UHRF1: variants seen among roughly 807,000 people sequenced by gnomAD.
The protein encoded by UHRF1 is ubiquitin like with PHD and ring finger domains 1, also known as E3 ubiquitin-protein ligase UHRF1.
In UHRF1, 9 loss-of-function variants were observed where a neutral mutation model predicts 96.5. That is an observed-to-expected ratio of 0.09 (90% CI 0.06 to 0.16). The LOEUF is 0.16. UHRF1 is among the 10% of genes least tolerant of loss of function. The pLI is 1.00. For missense variants in UHRF1, 626 were observed against 1,131.1 expected (o/e 0.55, Z 6.40); for synonymous variants, 455 against 469.9 (o/e 0.97, Z 0.41).
At chr19:4,948,583 C>G (rs17883407) in intron 11 of UHRF1, among the ~76,000 whole-genome samples, 6,554 of 150,554 alleles carry the variant, frequency 0.044, 158 homozygotes, top group Middle Eastern at 0.12. Flanking sequence ...TGGTGGATCA[C>G]CTGAGGTCAG....
intron 1 of UHRF1, chr19:4,909,876 G>C (rs1420741931): frequency 2.6e-6 from 1 of 378,774 alleles, no homozygotes; most frequent in Non-Finnish European, 4.7e-6. Context: ...CCGGCGGGGG[G>C]TCGAGCGCGC....
rs762045338 is a variant in UHRF1 at position 4,954,378 on chromosome 19, C to A, written c.1847C>A (p.Ala616Asp). 1 of 1,613,000 alleles carries A rather than the reference C, an allele frequency of 6.2e-7. No homozygotes were observed. Among genetic ancestry groups the A allele is most frequent in the Non-Finnish European group, 8.5e-7 (1 of 1,179,660 alleles). ...CCAGAAGGCTACCTGGAAGCCCTGG[C>A]CAACCGAGAGCGAGAGAAGGAGAAC... is the stretch of plus-strand genomic sequence containing the variant. ...QYPEGYLEALANREREKENSK... is the reference protein window; with the variant it reads ...QYPEGYLEALDNREREKENSK... Residue 616 changes from alanine (A) to aspartate (D), a missense_variant, in exon 14 of 17, where the codon GCC (alanine) becomes GAC (aspartate). Around this residue, in one of 11 missense-constraint regions of UHRF1, gnomAD observed 90 missense variants for 94.7 expected, o/e 0.95. Transcript: ENST00000650932. This position sits in a 1 kb window ranked among gnomAD's most constrained non-coding sequence, Gnocchi z 5.9.
At chr19:4,903,415 CA>C (rs1255580042) in exon 1 of UHRF1, 4 of 153,522 alleles carry the variant, frequency 2.6e-5, no homozygotes, top group African/African-American at 9.7e-5. Context: ...CGGGTTCAAG[CA>C]ATTCTCCTGC....
chr19:4,931,839 C>T (rs2033062339), intron 4 of UHRF1, among the ~76,000 whole-genome samples: 1 of 152,066 alleles, frequency 6.6e-6, no homozygotes, highest in Non-Finnish European at 1.5e-5. Context: ...TGGCTCATTG[C>T]ACCCTCCATC....
At position 4,961,432 on chromosome 19, in the gene UHRF1, T is replaced by C. The variant is rs1201337778; in HGVS notation, c.*629T>C. ...CGTCTGAGATCCGCGTGAAAAGTCC[T>C]CTGCCCACGAGAGCAGGGAGTTGGG... is the stretch of plus-strand genomic sequence containing the variant. On this transcript the variant is annotated 3_prime_UTR_variant, in exon 17 of 17. Transcript: ENST00000650932. 6.6e-6 allele frequency: 1 copy of C among 152,022 alleles called. No individual in the cohort carries two copies. The highest frequency in any genetic ancestry group is 2.4e-5 in the African/African-American group (1 of 41,238). 9.4% of individuals were successfully genotyped at this position (152,022 alleles called of 1,614,324 possible). A position where few individuals can be genotyped will look rare whatever the true frequency, so the allele number is the denominator to read the frequency against.
Position 4,919,597 on chromosome 19 carries a change from T to G in UHRF1, c.153+8559T>G, listed in dbSNP as rs1348640727. ...GATTACAGGTGTGAGCCACCGCGCC[T>G]AGCCCATTTTATCTTTTCTGATAAT... On this transcript the variant is annotated intron_variant, in intron 2 of 16. Transcript: ENST00000650932. Among the ~76,000 whole-genome samples the G allele has an allele frequency of 5.9e-5, 9 of 151,934 alleles. No individual in the cohort carries two copies. In the East Asian group the frequency reaches 1.8e-3, roughly 30 times the overall value.
chr19:4,946,698 C>T (rs1018681643), intron 10 of UHRF1, among the ~76,000 whole-genome samples: 1 of 152,024 alleles, frequency 6.6e-6, no homozygotes, highest in Non-Finnish European at 1.5e-5. Flanking sequence ...TGTCAGCCTC[C>T]CAAGAAGCTG....
rs771845391 is a variant in UHRF1, at chr19:4,951,696, CA to C, written c.1818+718del. Among the ~76,000 whole-genome samples, 192 of 83,340 alleles carry C rather than the reference CA, an allele frequency of 2.3e-3. 1 individual carries two copies. Among genetic ancestry groups the C allele is most frequent in the Middle Eastern group, 6.0e-3 (1 of 168 alleles). The allele number at this position is 83,340 out of a possible 152,430, so 54.7% of individuals were successfully genotyped here. A position where few individuals can be genotyped will look rare whatever the true frequency, so the allele number is the denominator to read the frequency against. On this transcript the variant is annotated intron_variant, in intron 13 of 16. Coordinates refer to ENST00000650932, the MANE Select transcript of UHRF1 (RefSeq NM_001048201.3). ...TCTGTTTTCACTTCTTGGCTCATCA[CA>C]AAAAAAAAAAAAAAAAAGCAGAAAC... is the stretch of plus-strand genomic sequence containing the variant.
Position 4,947,790 on chromosome 19 carries a change from C to T in UHRF1, c.1517+579C>T, listed in dbSNP as rs143942031. 3.2e-3 allele frequency among the ~76,000 whole-genome samples: 481 copies of T among 152,168 alleles called. 3 individuals are homozygous for T. The highest frequency in any genetic ancestry group is 0.011 in the African/African-American group (444 of 41,540). On this transcript the variant is annotated intron_variant, in intron 11 of 16. Coordinates refer to ENST00000650932, the MANE Select transcript of UHRF1 (RefSeq NM_001048201.3). Reference sequence around the variant, plus strand: ...TTGGTATTACAGGCATGAGCCACTGCGCCTGGCTGATAGTAGGTATCTTAA... The same window carrying T: ...TTGGTATTACAGGCATGAGCCACTGTGCCTGGCTGATAGTAGGTATCTTAA...
Position 4,954,893 on chromosome 19 carries a change from C to T in UHRF1, c.2130+71C>T. On this transcript the variant is annotated intron_variant, in intron 15 of 16. Coordinates refer to ENST00000650932, the MANE Select transcript of UHRF1 (RefSeq NM_001048201.3). The surrounding 1 kb of genome is among the most constrained non-coding windows in gnomAD (Gnocchi z 5.9). ...GGTAAAATGTGTGGGGCTTGTTTCCCATGTTCCCCATTTTCAAGTGTACAG... is the reference window on the plus strand; with the variant it reads ...GGTAAAATGTGTGGGGCTTGTTTCCTATGTTCCCCATTTTCAAGTGTACAG... 1.3e-6 allele frequency: 2 copies of T among 1,567,560 alleles called. No homozygotes were observed. Among genetic ancestry groups the T allele is most frequent in the Non-Finnish European group, 1.7e-6 (2 of 1,150,336 alleles).
intron 2 of UHRF1, among the ~76,000 whole-genome samples, chr19:4,922,410 C>T (rs986224316): frequency 3.3e-5 from 5 of 151,736 alleles, no homozygotes; most frequent in South Asian, 2.1e-4. Flanking sequence ...GGACTACAGG[C>T]GCCCACCACC....
Position 4,933,282 on chromosome 19 carries a change from C to G in UHRF1, c.785+326C>G, listed in dbSNP as rs188030515. Among the ~76,000 whole-genome samples the G allele has an allele frequency of 6.6e-5, 10 of 152,262 alleles. No homozygotes were observed. The East Asian group carries it at 1.9e-3, about 29-fold the overall frequency. The stretch of plus-strand genomic sequence containing the variant: ...CCAGGCTGGAGTGCAGTGGTTCGAT[C>G]TCGGTTCACTGCAAGCTCTGCCTCC... On this transcript the variant is annotated intron_variant, in intron 5 of 16. Transcript: ENST00000650932.
chr19:4,921,764 GA>G (rs1475010278), intron 2 of UHRF1, among the ~76,000 whole-genome samples: 1 of 152,008 alleles, frequency 6.6e-6, no homozygotes, highest in African/African-American at 2.4e-5. Context: ...GTTTTAAGAA[GA>G]AAAAGAAAAT....
Position 4,938,730 on chromosome 19 carries a change from GT to G in UHRF1, c.786-2767del, listed in dbSNP as rs71170880. 3.0e-3 allele frequency among the ~76,000 whole-genome samples: 186 copies of G among 61,574 alleles called. 1 individual carries two copies. Among genetic ancestry groups the G allele is most frequent in the Non-Finnish European group, 4.4e-3 (148 of 34,010 alleles). 40.4% of individuals were successfully genotyped at this position (61,574 alleles called of 152,430 possible). A position where few individuals can be genotyped will look rare whatever the true frequency, so the allele number is the denominator to read the frequency against. On this transcript the variant is annotated intron_variant, in intron 5 of 16. Coordinates refer to ENST00000650932, the MANE Select transcript of UHRF1 (RefSeq NM_001048201.3). ...GGCATAAGAGTTTTGTTTTGGTCAG[GT>G]TTTTTTTTTTTTTTTTTTTTTTTTT...
intron 2 of UHRF1, among the ~76,000 whole-genome samples, chr19:4,914,555 T>C (rs2032416351): frequency 6.6e-6 from 1 of 152,108 alleles, no homozygotes; most frequent in African/African-American, 2.4e-5. Context: ...GTGATGTCAC[T>C]TGATGGGCGG....
At chr19:4,910,720 T>C (rs1232926640) in intron 1 of UHRF1, 156 bp from the exon 2 acceptor site, 2 of 769,164 alleles carry the variant, frequency 2.6e-6, no homozygotes, top group Non-Finnish European at 3.9e-6. Flanking sequence ...TGTCTGGTCC[T>C]GGCCAGGGTC....
intron 2 of UHRF1, among the ~76,000 whole-genome samples, chr19:4,922,279 T>C (rs2032725679): frequency 6.6e-6 from 1 of 151,926 alleles, no homozygotes; most frequent in Non-Finnish European, 1.5e-5. Flanking sequence ...TATTTATTTG[T>C]TTTTGAGATG....
chr19:4,913,827 TTTG>T (rs746695012), intron 2 of UHRF1, among the ~76,000 whole-genome samples: 4,143 of 133,110 alleles, frequency 0.031, 151 homozygotes, highest in African/African-American at 0.11. Context: ...TTTTTTTTTT[TTTG>T]GAGACAGTTT....
chr19:4,943,666 T>C (rs2033477028), intron 7 of UHRF1, among the ~76,000 whole-genome samples: 1 of 152,106 alleles, frequency 6.6e-6, no homozygotes. Context: ...TTCTTTTTTT[T>C]TTGAGATAGA....
Sources: allele counts gnomAD v4.1 joint callset (sites outside exome capture counted in the v4.1 genomes callset), GRCh38; gene constraint gnomAD v4.1.1; regional missense constraint gnomAD v4.1.1; non-coding constraint Gnocchi (gnomAD v3.1); transcripts MANE v1.5; gene names NCBI Gene and HGNC (gene_info 2026-07-23, HGNC 2026-07-21).